The following EYA4 variants were observed in gnomAD, a reference collection of about 807,000 sequenced individuals.
EYA4 encodes EYA transcriptional coactivator and phosphatase 4, also known as protein phosphatase EYA4.
Under a neutral mutation model 87.9 loss-of-function variants are expected in EYA4, and 31 were observed. The ratio of observed to expected loss-of-function variants is 0.35; its 90% CI spans 0.27 to 0.48. The LOEUF is 0.48. EYA4 is among the 20% of genes least tolerant of loss of function. The pLI, the probability that EYA4 is intolerant of heterozygous loss-of-function variation, is 0.99. For missense variants in EYA4, 678 were observed against 761.4 expected (o/e 0.89, Z 1.29); for synonymous variants, 263 against 270.6 (o/e 0.97, Z 0.28).
intron 2 of EYA4, among the ~76,000 whole-genome samples, chr6:133,283,930 T>C (rs1777828989): frequency 6.6e-6 from 1 of 152,158 alleles, no homozygotes. Flanking sequence ...TAAGTGAAAA[T>C]ATGTGATATT....
At chr6:133,273,290 G>T (rs1242534235) in intron 1 of EYA4, among the ~76,000 whole-genome samples, 2 of 151,904 alleles carry the variant, frequency 1.3e-5, no homozygotes, top group East Asian at 3.9e-4. Flanking sequence ...TGGGAAGCTA[G>T]GCCCGTCTCT....
intron 2 of EYA4, among the ~76,000 whole-genome samples, chr6:133,331,623 A>G (rs1781968451): frequency 2.6e-5 from 4 of 152,238 alleles, no homozygotes. Flanking sequence ...GTTTACTGCA[A>G]CGGTGCTTTT....
intron 3 of EYA4, among the ~76,000 whole-genome samples, chr6:133,406,573 A>G (rs575481817): frequency 2.6e-5 from 4 of 152,316 alleles, no homozygotes; most frequent in South Asian, 4.1e-4. Context: ...AAAATGTTCT[A>G]AGATTTGTCA....
intron 2 of EYA4, among the ~76,000 whole-genome samples, chr6:133,363,773 C>T (rs1443614394): frequency 2.6e-5 from 4 of 152,026 alleles, no homozygotes; most frequent in African/African-American, 7.2e-5. Flanking sequence ...CCGCGCCCGG[C>T]GAGACCTTGT....
At chr6:133,426,254 G>T (rs1267408390) in intron 3 of EYA4, among the ~76,000 whole-genome samples, 51 of 152,306 alleles carry the variant, frequency 3.3e-4, no homozygotes, top group African/African-American at 1.2e-3. Flanking sequence ...CTAGTAACAA[G>T]TACAAGAGCA....
At chr6:133,463,190 A>G (rs1453904546) in intron 9 of EYA4, among the ~76,000 whole-genome samples, 1 of 151,956 alleles carries the variant, frequency 6.6e-6, no homozygotes, top group Non-Finnish European at 1.5e-5. Flanking sequence ...TATATTATTG[A>G]CCAGTTGAGG....
chr6:133,375,521 A>G (rs1785608078), intron 2 of EYA4, among the ~76,000 whole-genome samples: 1 of 151,812 alleles, frequency 6.6e-6, no homozygotes, highest in South Asian at 2.1e-4. Flanking sequence ...ATGTAATAGG[A>G]AAGGACATAT....
At chr6:133,478,090 G>A (rs1795898139) in intron 11 of EYA4, among the ~76,000 whole-genome samples, 1 of 152,054 alleles carries the variant, frequency 6.6e-6, no homozygotes, top group South Asian at 2.1e-4. Flanking sequence ...ATAAAAAAAC[G>A]CTAACAATAT....
At chr6:133,446,527 ATTAT>A (rs1025191389) in intron 3 of EYA4, 99 bp from the exon 4 acceptor site, 14 of 1,343,054 alleles carry the variant, frequency 1.0e-5, no homozygotes, top group Non-Finnish European at 1.3e-5. Flanking sequence ...ACTGGTTTTA[ATTAT>A]TACTGTGAGA....
At chr6:133,324,671 GT>G (rs1293501150) in intron 2 of EYA4, among the ~76,000 whole-genome samples, 51 of 152,056 alleles carry the variant, frequency 3.4e-4, no homozygotes, top group African/African-American at 1.1e-3. Flanking sequence ...ATACCAGGTT[GT>G]TTCTCTGATC....
intron 2 of EYA4, among the ~76,000 whole-genome samples, chr6:133,369,989 G>C (rs1247279156): frequency 6.6e-6 from 1 of 152,160 alleles, no homozygotes; most frequent in Non-Finnish European, 1.5e-5. Flanking sequence ...GGCGTGGAAA[G>C]CCATTGGTCG....
chr6:133,460,812 A>G (rs1794316544), intron 6 of EYA4, among the ~76,000 whole-genome samples: 1 of 152,110 alleles, frequency 6.6e-6, no homozygotes, highest in Non-Finnish European at 1.5e-5. Flanking sequence ...AAGCTTAATT[A>G]CCCTATAATC....
chr6:133,335,929 T>C (rs1462709445), intron 2 of EYA4, among the ~76,000 whole-genome samples: 1 of 152,194 alleles, frequency 6.6e-6, no homozygotes, highest in African/African-American at 2.4e-5. Flanking sequence ...TTGGCTGTAC[T>C]TGTAGACCAT....
chr6:133,476,792 G>A (rs956123487), intron 11 of EYA4, among the ~76,000 whole-genome samples: 3 of 151,992 alleles, frequency 2.0e-5, no homozygotes, highest in Non-Finnish European at 4.4e-5. Context: ...GGATCATATG[G>A]TAGTTCCGTT....
intron 14 of EYA4, among the ~76,000 whole-genome samples, chr6:133,508,426 T>C (rs1798840008): frequency 6.6e-6 from 1 of 152,134 alleles, no homozygotes; most frequent in Non-Finnish European, 1.5e-5. Flanking sequence ...CTTTTGGGGT[T>C]AGTTTTTCTG....
intron 3 of EYA4, among the ~76,000 whole-genome samples, chr6:133,437,985 C>A (rs1791867733): frequency 6.6e-6 from 1 of 152,014 alleles, no homozygotes; most frequent in African/African-American, 2.4e-5. Context: ...AAAACTGATA[C>A]CCATTAATCA....
At chr6:133,314,645 A>G (rs1486465216) in intron 2 of EYA4, among the ~76,000 whole-genome samples, 1 of 152,194 alleles carries the variant, frequency 6.6e-6, no homozygotes, top group East Asian at 1.9e-4. Context: ...AAAATATTTC[A>G]GTTTATCAAA....
chr6:133,292,922 T>A (rs1778604761), intron 2 of EYA4, among the ~76,000 whole-genome samples: 1 of 152,168 alleles, frequency 6.6e-6, no homozygotes, highest in Non-Finnish European at 1.5e-5. Context: ...AAACTAAGGA[T>A]CAGTCTGAGT....
Position 133,294,022 on chromosome 6 carries a change from T to TA in EYA4, c.33+19209_33+19210insA, listed in dbSNP as rs1562257388. ...AAATTCCTGTGCTCCCTAGGGTGATTTTATATATATATATATATATATATA... is the reference window on the plus strand; with the variant it reads ...AAATTCCTGTGCTCCCTAGGGTGATTATTATATATATATATATATATATATA... On this transcript the variant is annotated intron_variant, in intron 2 of 19. Coordinates refer to ENST00000355286, the MANE Select transcript of EYA4 (RefSeq NM_004100.5). Among the ~76,000 whole-genome samples, 40 of 50,006 alleles carry TA rather than the reference T, an allele frequency of 8.0e-4. 1 individual carries two copies. The highest frequency in any genetic ancestry group is 1.3e-3 in the Non-Finnish European group (37 of 28,056). The allele number at this position is 50,006 out of a possible 152,430, so 32.8% of individuals were successfully genotyped here.
Sources: allele counts gnomAD v4.1 joint callset (sites outside exome capture counted in the v4.1 genomes callset), GRCh38; gene constraint gnomAD v4.1.1; transcripts MANE v1.5; gene names NCBI Gene and HGNC (gene_info 2026-07-23, HGNC 2026-07-21).